SDK1: variants seen among roughly 807,000 people sequenced by gnomAD.
SDK1 encodes sidekick cell adhesion molecule 1.
A neutral mutation model predicts 245.5 loss-of-function variants in SDK1; 157 were observed. The observed-to-expected ratio is 0.64, with a 90% CI of 0.56 to 0.73. The LOEUF is 0.73. SDK1 is among the 30% of genes least tolerant of loss of function. The pLI is 0.00. For missense variants in SDK1, 3,583 were observed against 3,002.3 expected (o/e 1.19, Z -4.52); for synonymous variants, 1,647 against 1,278.5 (o/e 1.29, Z -6.15).
chr7:3,743,978 A>C lies in SDK1; in HGVS notation c.714-77472A>C, dbSNP rs73304234. Reference sequence around the variant, plus strand: ...TATTATCCTGTGTAATTAATAAGACACTATTAATCAACAGCTTGACTCACA... The same window carrying C: ...TATTATCCTGTGTAATTAATAAGACCCTATTAATCAACAGCTTGACTCACA... On this transcript the variant is annotated intron_variant, in intron 4 of 44. Coordinates refer to ENST00000404826, the MANE Select transcript of SDK1 (RefSeq NM_152744.4). Among the ~76,000 whole-genome samples, 3 of 152,224 alleles carry C rather than the reference A, an allele frequency of 2.0e-5. 1 individual carries two copies. Among genetic ancestry groups the C allele is most frequent in the African/African-American group, 7.2e-5 (3 of 41,528 alleles).
chr7:3,552,762 T>C (rs958370611), intron 1 of SDK1, among the ~76,000 whole-genome samples: 3 of 152,326 alleles, frequency 2.0e-5, no homozygotes, highest in Middle Eastern at 6.8e-3. Context: ...GACTTTGAAA[T>C]AATCATTACC....
At chr7:4,194,581 G>A (rs569454310) in intron 35 of SDK1, among the ~76,000 whole-genome samples, 22 of 152,220 alleles carry the variant, frequency 1.4e-4, no homozygotes, top group Admixed American at 3.9e-4. Context: ...GATCCAGTCC[G>A]AGCCTCAAAA....
chr7:3,907,016 T>C (rs1778974120), intron 5 of SDK1, among the ~76,000 whole-genome samples: 2 of 152,344 alleles, frequency 1.3e-5, no homozygotes, highest in East Asian at 1.9e-4. Context: ...TTCCTTCTTA[T>C]ATTTCACCTA....
chr7:3,980,062 C>T (rs1331970946), intron 13 of SDK1, among the ~76,000 whole-genome samples: 1 of 152,158 alleles, frequency 6.6e-6, no homozygotes, highest in African/African-American at 2.4e-5. Context: ...TTATCAAGCC[C>T]TGTCATCTTC....
intron 16 of SDK1, among the ~76,000 whole-genome samples, chr7:4,013,880 C>A (rs1453911910): frequency 6.6e-6 from 1 of 152,218 alleles, no homozygotes; most frequent in Non-Finnish European, 1.5e-5. Context: ...GCAGTTCTGT[C>A]CCCTCGGGGT....
chr7:4,217,982 G>T lies in SDK1; in HGVS notation c.5540-2127G>T, dbSNP rs77193627. On this transcript the variant is annotated intron_variant, in intron 38 of 44. Transcript: ENST00000404826. ...TTACATTGGACAGGACCCAGTTTGT[G>T]TGTTGATGACAGTCACTATGTGCAC... Among the ~76,000 whole-genome samples, 837 of 152,284 alleles carry T rather than the reference G, an allele frequency of 5.5e-3. 2 individuals carry two copies. Among genetic ancestry groups the T allele is most frequent in the Non-Finnish European group, 8.4e-3 (572 of 68,028 alleles).
At chr7:3,664,431 T>C (rs1186640887) in intron 4 of SDK1, among the ~76,000 whole-genome samples, 1 of 152,148 alleles carries the variant, frequency 6.6e-6, no homozygotes, top group Non-Finnish European at 1.5e-5. Flanking sequence ...GCCTTTTTCA[T>C]TGTGCTTATA....
At chr7:3,719,529 G>A (rs1231536930) in intron 4 of SDK1, among the ~76,000 whole-genome samples, 1 of 152,122 alleles carries the variant, frequency 6.6e-6, no homozygotes, top group Non-Finnish European at 1.5e-5. Flanking sequence ...AGGTGCAGAA[G>A]TGACTCAGTG....
chr7:4,102,513 T>C (rs61475523), intron 22 of SDK1, among the ~76,000 whole-genome samples: 18,891 of 152,166 alleles, frequency 0.12, 1,965 homozygotes, highest in African/African-American at 0.28. Context: ...CCCTCCTCCC[T>C]TCCCCACACG....
chr7:4,040,565 T>C (rs1788554667), intron 17 of SDK1, among the ~76,000 whole-genome samples: 1 of 151,810 alleles, frequency 6.6e-6, no homozygotes, highest in Non-Finnish European at 1.5e-5. Flanking sequence ...GGGTCCGGAG[T>C]GGGTTTTTCC....
At chr7:3,601,409 T>G (rs1781250860) in intron 1 of SDK1, among the ~76,000 whole-genome samples, 1 of 152,224 alleles carries the variant, frequency 6.6e-6, no homozygotes, top group Middle Eastern at 3.4e-3. Context: ...CTTATGGGAC[T>G]ATTTGGACTA....
intron 1 of SDK1, among the ~76,000 whole-genome samples, chr7:3,372,658 G>C (rs1432496419): frequency 6.6e-6 from 1 of 152,060 alleles, no homozygotes; most frequent in Admixed American, 6.5e-5. Flanking sequence ...TGTGTGAGAT[G>C]GTCAGTTTCT....
chr7:3,474,229 A>G (rs534601965), intron 1 of SDK1, among the ~76,000 whole-genome samples: 1 of 146,316 alleles, frequency 6.8e-6, no homozygotes, highest in East Asian at 2.2e-4. Flanking sequence ...CAGCCTCCCA[A>G]GTAGTGGTGG....
At chr7:3,528,620 C>A (rs544725912) in intron 1 of SDK1, among the ~76,000 whole-genome samples, 2 of 152,196 alleles carry the variant, frequency 1.3e-5, no homozygotes, top group African/African-American at 4.8e-5. Context: ...TCATAACAAT[C>A]TTTGTAAGTG....
At chr7:3,571,594 A>G (rs1345184631) in intron 1 of SDK1, among the ~76,000 whole-genome samples, 1 of 152,088 alleles carries the variant, frequency 6.6e-6, no homozygotes, top group Non-Finnish European at 1.5e-5. Flanking sequence ...GTGAGCCACG[A>G]CATCTGGCCT....
At chr7:3,587,302 T>C (rs1562583772) in intron 1 of SDK1, among the ~76,000 whole-genome samples, 1 of 32,060 alleles carries the variant, frequency 3.1e-5, no homozygotes, top group Non-Finnish European at 5.2e-5. Context: ...AAACAGAACG[T>C]GTGTGTGTGT....
chr7:4,267,151 T>C lies in SDK1; in HGVS notation c.*1767T>C, dbSNP rs1324639490. On this transcript the variant is annotated 3_prime_UTR_variant, in exon 45 of 45. Coordinates refer to ENST00000404826, the MANE Select transcript of SDK1 (RefSeq NM_152744.4). ...TTTCAGTCTTTCCAAAATTAGAGGG[T>C]ATGGCAAGTTTCCTTTTTTCTCTCC... The C allele has an allele frequency of 1.0e-6, 1 of 984,830 alleles. No individual in the cohort carries two copies. Among genetic ancestry groups the C allele is most frequent in the Non-Finnish European group, 1.2e-6 (1 of 829,754 alleles). 61.0% of individuals were successfully genotyped at this position (984,830 alleles called of 1,614,324 possible).
chr7:3,997,357 C>T (rs928324149), intron 14 of SDK1, among the ~76,000 whole-genome samples: 9 of 152,128 alleles, frequency 5.9e-5, no homozygotes, highest in African/African-American at 2.2e-4. Context: ...GTAGGCAAGT[C>T]GTCCCATCGT....
In SDK1 at chr7:3,793,213, T is replaced by A. The variant is rs554609307; in HGVS notation, c.714-28237T>A. Among the ~76,000 whole-genome samples the A allele has an allele frequency of 2.6e-5, 4 of 152,312 alleles. No homozygotes were observed. In the South Asian group the frequency reaches 8.3e-4, roughly 32 times the overall value. On this transcript the variant is annotated intron_variant, in intron 4 of 44. Coordinates refer to ENST00000404826, the MANE Select transcript of SDK1 (RefSeq NM_152744.4). Reference sequence around the variant, plus strand: ...TTTTGGTCTGTTTCCGTAAAAGACATTACATTTCTAAATTTGAAGGCAAAT... The same window carrying A: ...TTTTGGTCTGTTTCCGTAAAAGACAATACATTTCTAAATTTGAAGGCAAAT...
Sources: allele counts gnomAD v4.1 joint callset (sites outside exome capture counted in the v4.1 genomes callset), GRCh38; gene constraint gnomAD v4.1.1; transcripts MANE v1.5; gene names NCBI Gene and HGNC (gene_info 2026-07-23, HGNC 2026-07-21).